The following NCAM2 variants were observed in gnomAD, a reference collection of about 807,000 sequenced individuals.
The protein encoded by NCAM2 is neural cell adhesion molecule 2.
NCAM2 carries 30 observed loss-of-function variants against 98.1 expected under a neutral mutation model. That is an observed-to-expected ratio of 0.31 (90% CI 0.23 to 0.41). NCAM2 has a LOEUF of 0.41. Ranked by LOEUF, NCAM2 falls within the 10% of genes least tolerant of loss-of-function variation. The pLI, the probability that NCAM2 is intolerant of heterozygous loss-of-function variation, is 1.00. For missense variants in NCAM2, 867 were observed against 1,005.8 expected, an observed-to-expected ratio of 0.86 and a Z score of 1.87; for synonymous variants, 368 against 342.4, an observed-to-expected ratio of 1.07 and a Z score of -0.83.
intron 1 of NCAM2, among the ~76,000 whole-genome samples, chr21:21,036,332 C>T (rs2146243072): frequency 1.3e-5 from 2 of 152,262 alleles, no homozygotes; most frequent in African/African-American, 4.8e-5. Flanking sequence ...GCAGGAGGCA[C>T]ACAAAATCTG....
chr21:21,174,735 T>TA (rs200746742), intron 1 of NCAM2, among the ~76,000 whole-genome samples: 15 of 150,710 alleles, frequency 1.0e-4, no homozygotes, highest in Middle Eastern at 3.4e-3. Flanking sequence ...GACAGGAAAT[T>TA]AAAAAAAAAT....
intron 8 of NCAM2, among the ~76,000 whole-genome samples, chr21:21,338,955 T>G (rs561104575): frequency 6.6e-6 from 1 of 152,270 alleles, no homozygotes; most frequent in African/African-American, 2.4e-5. Context: ...AACCAGTACA[T>G]TTAACTTTAA....
At chr21:21,212,112 C>T (rs1260761320) in intron 1 of NCAM2, among the ~76,000 whole-genome samples, 4 of 152,146 alleles carry the variant, frequency 2.6e-5, no homozygotes, top group African/African-American at 7.2e-5. Flanking sequence ...ACAAAAATAT[C>T]CATAGCAGGT....
chr21:21,040,574 A>G (rs1214736143), intron 1 of NCAM2, among the ~76,000 whole-genome samples: 4 of 152,114 alleles, frequency 2.6e-5, no homozygotes. Context: ...AATATGGTAT[A>G]TATACACAAT....
intron 1 of NCAM2, among the ~76,000 whole-genome samples, chr21:21,265,211 T>C (rs564322269): frequency 2.5e-5 from 3 of 121,286 alleles, no homozygotes; most frequent in Admixed American, 9.2e-5. Context: ...TATGTGTGTA[T>C]ATAGTATATT....
intron 12 of NCAM2, among the ~76,000 whole-genome samples, chr21:21,462,197 T>C (rs1328243351): frequency 1.3e-5 from 2 of 152,044 alleles, no homozygotes; most frequent in African/African-American, 4.8e-5. Flanking sequence ...CTCTGAGTTG[T>C]TGCACAGTAC....
intron 12 of NCAM2, among the ~76,000 whole-genome samples, chr21:21,454,927 T>C (rs1488512582): frequency 3.3e-5 from 5 of 151,982 alleles, no homozygotes; most frequent in Non-Finnish European, 1.5e-5. Flanking sequence ...AGGTGGTTAG[T>C]ACCATTATTT....
At chr21:21,160,261 C>T (rs2067741222) in intron 1 of NCAM2, among the ~76,000 whole-genome samples, 1 of 151,908 alleles carries the variant, frequency 6.6e-6, no homozygotes, top group Admixed American at 6.6e-5. Context: ...TAAACAGTAG[C>T]TTACTTAGTA....
intron 6 of NCAM2, among the ~76,000 whole-genome samples, chr21:21,332,520 A>G (rs2074743194): frequency 6.6e-6 from 1 of 152,046 alleles, no homozygotes. Context: ...GAATTATTGT[A>G]CTTTATATTT....
At chr21:21,208,645 T>A (rs2069529832) in intron 1 of NCAM2, among the ~76,000 whole-genome samples, 1 of 152,210 alleles carries the variant, frequency 6.6e-6, no homozygotes, top group Non-Finnish European at 1.5e-5. Context: ...AAACTTGAAA[T>A]GTGGAACTGC....
intron 1 of NCAM2, among the ~76,000 whole-genome samples, chr21:21,246,201 A>G (rs1236962212): frequency 6.6e-6 from 1 of 152,134 alleles, no homozygotes; most frequent in Non-Finnish European, 1.5e-5. Flanking sequence ...GAGGTTTCTT[A>G]CTGCCAGTCA....
At chr21:21,437,441 A>G (rs1379034447) in intron 12 of NCAM2, among the ~76,000 whole-genome samples, 6 of 147,378 alleles carry the variant, frequency 4.1e-5, no homozygotes, top group Non-Finnish European at 1.5e-5. Flanking sequence ...ATGAATTTTC[A>G]AAGAAGTATT....
chr21:21,168,506 C>G (rs1191592454), intron 1 of NCAM2, among the ~76,000 whole-genome samples: 1 of 152,054 alleles, frequency 6.6e-6, no homozygotes, highest in Non-Finnish European at 1.5e-5. Context: ...ATAAAACTGT[C>G]TTTCTTCACA....
chr21:21,483,123 CT>C (rs1986041169), intron 15 of NCAM2, among the ~76,000 whole-genome samples: 1 of 151,990 alleles, frequency 6.6e-6, no homozygotes, highest in Non-Finnish European at 1.5e-5. Flanking sequence ...TTCACCATTT[CT>C]TTTGGCCTGC....
chr21:21,155,627 G>A (rs1330824436), intron 1 of NCAM2, among the ~76,000 whole-genome samples: 1 of 151,758 alleles, frequency 6.6e-6, no homozygotes. Flanking sequence ...TTAGTATATG[G>A]TATGAGCTCC....
At chr21:21,350,024 G>A (rs893464081) in intron 8 of NCAM2, among the ~76,000 whole-genome samples, 12 of 152,064 alleles carry the variant, frequency 7.9e-5, no homozygotes, top group African/African-American at 2.9e-4. Flanking sequence ...GGTGAGTATA[G>A]TTAATACCAA....
intron 1 of NCAM2, among the ~76,000 whole-genome samples, chr21:21,229,826 A>T (rs2070548313): frequency 6.6e-6 from 1 of 151,436 alleles, no homozygotes; most frequent in Non-Finnish European, 1.5e-5. Context: ...ATGAACCAAA[A>T]ATATATTAGC....
At chr21:21,291,719 C>T (rs1030900759) in intron 4 of NCAM2, among the ~76,000 whole-genome samples, 2 of 151,348 alleles carry the variant, frequency 1.3e-5, no homozygotes, top group Non-Finnish European at 3.0e-5. Context: ...ATTTTCTAGC[C>T]CTTTTCCACC....
chr21:21,210,366 T>C (rs895099685), intron 1 of NCAM2, among the ~76,000 whole-genome samples: 1 of 152,180 alleles, frequency 6.6e-6, no homozygotes, highest in African/African-American at 2.4e-5. Flanking sequence ...AACACTTTAA[T>C]CACCTAGATT....
Sources: gnomAD v4.1 joint callset for allele counts (sites outside exome capture counted in the v4.1 genomes callset) on GRCh38, gnomAD v4.1.1 for gene constraint, MANE v1.5 for transcripts, NCBI Gene and HGNC (gene_info 2026-07-23, HGNC 2026-07-21) for gene names.